Variants in PIK3R5 observed in about 807,000 individuals in gnomAD.
PIK3R5 encodes the protein phosphoinositide 3-kinase regulatory subunit 5.
Under a neutral mutation model 94.9 loss-of-function variants are expected in PIK3R5, and 32 were observed. The observed-to-expected ratio is 0.34, with a 90% CI of 0.25 to 0.45. The LOEUF is 0.45. Among genes scored for constraint, PIK3R5 ranks in the 20% least tolerant of loss-of-function variants. The pLI is 1.00. For missense variants in PIK3R5, 853 were observed against 1,144.6 expected (o/e 0.75, Z 3.68); for synonymous variants, 443 against 479.4 (o/e 0.92, Z 0.99).
At chr17:8,957,237 C>T (rs1229425330) in intron 1 of PIK3R5, among the ~76,000 whole-genome samples, 11 of 152,174 alleles carry the variant, frequency 7.2e-5, no homozygotes, top group Admixed American at 7.2e-4. Flanking sequence ...TGTATTTTCC[C>T]TGCATACTTC....
chr17:8,914,016 A>C (rs544594925), intron 1 of PIK3R5, among the ~76,000 whole-genome samples: 11 of 152,288 alleles, frequency 7.2e-5, no homozygotes, highest in Admixed American at 2.0e-4. Flanking sequence ...CAGCCCGACC[A>C]CAAGACCCTC....
In PIK3R5 at chr17:8,939,995, C is replaced by T. The variant is rs181852448; in HGVS notation, c.-14+25601G>A. ...TCTCAGCTTAGTCTTACACATCTCT[C>T]TCAGGACAGTTTAATTCCTTTTAAA... On this transcript the variant is annotated intron_variant, in intron 1 of 18. Coordinates refer to ENST00000447110, the MANE Select transcript of PIK3R5 (RefSeq NM_001142633.3). 1.6e-4 allele frequency among the ~76,000 whole-genome samples: 24 copies of T among 152,370 alleles called. 1 individual carries two copies. In the East Asian group the frequency reaches 4.6e-3, roughly 29 times the overall value.
Position 8,925,247 on chromosome 17 carries a change from T to C in PIK3R5, c.-13-13740A>G, listed in dbSNP as rs1221297696. Among the ~76,000 whole-genome samples, 1 of 151,072 alleles carries C rather than the reference T, an allele frequency of 6.6e-6. No homozygotes were observed. The highest frequency in any genetic ancestry group is 2.4e-5 in the African/African-American group (1 of 40,888). On this transcript the variant is annotated intron_variant, in intron 1 of 18. Coordinates refer to ENST00000447110, the MANE Select transcript of PIK3R5 (RefSeq NM_001142633.3). This position sits in a 1 kb window ranked among gnomAD's most constrained non-coding sequence, Gnocchi z 5.1. ...GATGGATAGATAGATAGTAGATGGGTAGATAGATAGATGGTTAGCTAGTAG... is the reference window on the plus strand; with the variant it reads ...GATGGATAGATAGATAGTAGATGGGCAGATAGATAGATGGTTAGCTAGTAG...
chr17:8,957,789 A>T (rs1260442936), intron 1 of PIK3R5, among the ~76,000 whole-genome samples: 2 of 152,164 alleles, frequency 1.3e-5, no homozygotes, highest in Non-Finnish European at 2.9e-5. Flanking sequence ...AAGAGAGAAG[A>T]GAAGGAAGCT....
Position 8,890,918 on chromosome 17 carries a change from G to A in PIK3R5, c.483-6C>T, listed in dbSNP as rs368537869. The stretch of plus-strand genomic sequence containing the variant: ...GGTTCAGCAGCAGCACGGTGCTGGG[G>A]ACACAGGGGACCGGCTATGGCACCC... On this transcript the variant is annotated splice_region_variant and splice_polypyrimidine_tract_variant and intron_variant, in intron 6 of 18. Transcript: ENST00000447110. The surrounding 1 kb of genome is among the most constrained non-coding windows in gnomAD (Gnocchi z 6.1). The A allele has an allele frequency of 3.3e-4, 536 of 1,612,648 alleles. 1 individual carries two copies. Among genetic ancestry groups the A allele is most frequent in the Non-Finnish European group, 4.4e-4 (515 of 1,179,730 alleles).
rs1411162685 is a variant in PIK3R5 at position 8,911,119 on chromosome 17, G to T, written c.103+273C>A. On this transcript the variant is annotated intron_variant, in intron 2 of 18. Coordinates refer to ENST00000447110, the MANE Select transcript of PIK3R5 (RefSeq NM_001142633.3). The surrounding 1 kb of genome is among the most constrained non-coding windows in gnomAD (Gnocchi z 5.3). ...ATCAGCAGTTGTGGTTTTCTAAGCA[G>T]ATTCGATGGATTCTTCCAGAAGTAA... Among the ~76,000 whole-genome samples, 3 of 152,210 alleles carry T rather than the reference G, an allele frequency of 2.0e-5. No individual in the cohort carries two copies. Among genetic ancestry groups the T allele is most frequent in the African/African-American group, 4.8e-5 (2 of 41,448 alleles).
intron 5 of PIK3R5, among the ~76,000 whole-genome samples, chr17:8,903,099 C>T (rs895828830): frequency 2.0e-4 from 31 of 152,196 alleles, no homozygotes; most frequent in Non-Finnish European, 4.1e-4. Flanking sequence ...CCCGCCTTGG[C>T]GTCCCAAAGT....
In PIK3R5 at chr17:8,893,936, G is replaced by A. The variant is rs905371438; in HGVS notation, c.413-281C>T. ...CTGGATTCCCGTGGCCTCTCTGACTGCCCTCCCTTCCTAAGAGCTTTCCAC... is the reference window on the plus strand; with the variant it reads ...CTGGATTCCCGTGGCCTCTCTGACTACCCTCCCTTCCTAAGAGCTTTCCAC... On this transcript the variant is annotated intron_variant, in intron 5 of 18. Coordinates refer to ENST00000447110, the MANE Select transcript of PIK3R5 (RefSeq NM_001142633.3). The surrounding 1 kb of genome is among the most constrained non-coding windows in gnomAD (Gnocchi z 5.1). The A allele has an allele frequency of 4.9e-5, 14 of 287,856 alleles. No individual in the cohort carries two copies. Among genetic ancestry groups the A allele is most frequent in the African/African-American group, 3.1e-4 (14 of 45,584 alleles). 17.8% of individuals were successfully genotyped at this position (287,856 alleles called of 1,614,324 possible).
At chr17:8,891,330 C>T (rs1567638663) in intron 6 of PIK3R5, among the ~76,000 whole-genome samples, 1 of 152,164 alleles carries the variant, frequency 6.6e-6, no homozygotes, top group Non-Finnish European at 1.5e-5. Flanking sequence ...CAACGTGGTG[C>T]TGTGCAGTGT....
rs952003217 is a variant in PIK3R5, at chr17:8,880,113, T to C, written c.*526A>G. On this transcript the variant is annotated 3_prime_UTR_variant, in exon 19 of 19. Transcript: ENST00000447110. Reference sequence around the variant, plus strand: ...GTGTGTGTGTGCGCATGTGCGTACATGCATGCCATGTGTGTGTGGTGTTTG... The same window carrying C: ...GTGTGTGTGTGCGCATGTGCGTACACGCATGCCATGTGTGTGTGGTGTTTG... 2 of 152,988 alleles carry C rather than the reference T, an allele frequency of 1.3e-5. No individual in the cohort carries two copies. Among genetic ancestry groups the C allele is most frequent in the Non-Finnish European group, 2.9e-5 (2 of 68,504 alleles). 9.5% of individuals were successfully genotyped at this position (152,988 alleles called of 1,614,324 possible). A position where few individuals can be genotyped will look rare whatever the true frequency, so the allele number is the denominator to read the frequency against.
chr17:8,957,936 C>G (rs1026092732), intron 1 of PIK3R5, among the ~76,000 whole-genome samples: 1 of 152,186 alleles, frequency 6.6e-6, no homozygotes, highest in Admixed American at 6.5e-5. Flanking sequence ...CTTCCAAAAT[C>G]ATTTGCAAAG....
intron 1 of PIK3R5, among the ~76,000 whole-genome samples, chr17:8,956,903 A>G (rs779057051): frequency 1.3e-5 from 2 of 152,212 alleles, no homozygotes; most frequent in Non-Finnish European, 2.9e-5. Flanking sequence ...AGAGACCTCA[A>G]GAAAAGCCCA....
At chr17:8,965,482 C>T (rs1322369062) in intron 1 of PIK3R5, 114 bp downstream of exon 1, 1 of 152,282 alleles carries the variant, frequency 6.6e-6, no homozygotes, top group Non-Finnish European at 1.5e-5. Flanking sequence ...AGCCCTCGGG[C>T]TGCGGCGGCT....
chr17:8,903,177 A>G (rs2090326460), intron 5 of PIK3R5, among the ~76,000 whole-genome samples: 1 of 152,130 alleles, frequency 6.6e-6, no homozygotes, highest in African/African-American at 2.4e-5. Flanking sequence ...AATATTTTTT[A>G]TGGTCTACCA....
At chr17:8,926,779 A>G (rs893966928) in intron 1 of PIK3R5, among the ~76,000 whole-genome samples, 24 of 152,188 alleles carry the variant, frequency 1.6e-4, no homozygotes, top group African/African-American at 5.8e-4. Context: ...ACTACCCAAC[A>G]TGGTTACACG....
At chr17:8,931,023 C>T (rs1398721180) in intron 1 of PIK3R5, among the ~76,000 whole-genome samples, 1 of 152,060 alleles carries the variant, frequency 6.6e-6, no homozygotes, top group African/African-American at 2.4e-5. Context: ...ACCATTGGAG[C>T]AAACTGAGAA....
At chr17:8,948,010 T>A (rs1351039931) in intron 1 of PIK3R5, among the ~76,000 whole-genome samples, 2 of 123,196 alleles carry the variant, frequency 1.6e-5, no homozygotes, top group African/African-American at 6.4e-5. Flanking sequence ...GCCACTGCAC[T>A]CCAGCCTGGG....
chr17:8,963,413 G>T (rs1376122822), intron 1 of PIK3R5, among the ~76,000 whole-genome samples: 1 of 152,184 alleles, frequency 6.6e-6, no homozygotes, highest in Non-Finnish European at 1.5e-5. Flanking sequence ...TAACACAGGG[G>T]TATGGAGCAG....
At chr17:8,908,982 C>A in intron 3 of PIK3R5, 92 bp downstream of exon 3, 1 of 795,524 alleles carries the variant, frequency 1.3e-6, no homozygotes. Context: ...TCTGGAGGTC[C>A]AGGCACCCAG....
Sources: gnomAD v4.1 joint callset for allele counts (sites outside exome capture counted in the v4.1 genomes callset) on GRCh38, gnomAD v4.1.1 for gene constraint, Gnocchi (gnomAD v3.1) non-coding constraint, MANE v1.5 for transcripts, NCBI Gene and HGNC (gene_info 2026-07-23, HGNC 2026-07-21) for gene names.